The following AP2A2 variants were observed in gnomAD, a reference collection of about 807,000 sequenced individuals.
The protein encoded by AP2A2 is adaptor related protein complex 2 subunit alpha 2.
In AP2A2, 32 loss-of-function variants were observed where a neutral mutation model predicts 104.2. That is an observed-to-expected ratio of 0.31 (90% CI 0.23 to 0.41). AP2A2 has a LOEUF of 0.41. Ranked by LOEUF, AP2A2 falls within the 10% of genes least tolerant of loss-of-function variation. The pLI, the probability that AP2A2 is intolerant of heterozygous loss-of-function variation, is 1.00. For synonymous variants in AP2A2, 539 were observed against 533.3 expected (o/e 1.01, Z -0.15); for missense variants, 912 against 1,261.0 (o/e 0.72, Z 4.19).
intron 6 of AP2A2, 75 bp downstream of exon 6, chr11:981,374 A>G (rs1855234508): frequency 8.1e-7 from 1 of 1,236,970 alleles, no homozygotes; most frequent in Admixed American, 2.2e-5. Context: ...TTATTTGTAG[A>G]ATGCAAGGTA....
intron 1 of AP2A2, among the ~76,000 whole-genome samples, chr11:934,056 A>G (rs988757589): frequency 6.6e-6 from 1 of 151,952 alleles, no homozygotes; most frequent in Non-Finnish European, 1.5e-5. Flanking sequence ...CTGTGCCCAC[A>G]GCTGCTGTGT....
chr11:929,358 G>T (rs1853216111), intron 1 of AP2A2, among the ~76,000 whole-genome samples: 2 of 152,196 alleles, frequency 1.3e-5, no homozygotes, highest in Admixed American at 6.6e-5. Context: ...CTGCCTCTTA[G>T]CAGCTGCATG....
chr11:979,163 A>T (rs1196394651), intron 5 of AP2A2, among the ~76,000 whole-genome samples: 1 of 151,118 alleles, frequency 6.6e-6, no homozygotes, highest in Admixed American at 6.6e-5. Context: ...TTACAGTCTC[A>T]GTGCAGGGGG....
chr11:926,863 G>A (rs1286053720), intron 1 of AP2A2, among the ~76,000 whole-genome samples: 10 of 152,168 alleles, frequency 6.6e-5, no homozygotes, highest in Non-Finnish European at 1.5e-5. Flanking sequence ...AACAAGCCAG[G>A]AAGGCTGGGC....
At chr11:1,003,662 A>G in intron 15 of AP2A2, 60 bp from the exon 16 acceptor site, 3 of 1,182,576 alleles carry the variant, frequency 2.5e-6, no homozygotes, top group East Asian at 2.6e-5. Context: ...TTCCAGAACA[A>G]ACCCTTGTGT....
At chr11:954,021 G>A (rs1355797014) in intron 1 of AP2A2, among the ~76,000 whole-genome samples, 1 of 152,046 alleles carries the variant, frequency 6.6e-6, no homozygotes, top group East Asian at 1.9e-4. Context: ...TTTTAGTAGA[G>A]ACGAGGTTTC....
intron 1 of AP2A2, among the ~76,000 whole-genome samples, chr11:939,724 C>T (rs773877884): frequency 4.6e-5 from 7 of 152,014 alleles, no homozygotes; most frequent in Non-Finnish European, 7.4e-5. Context: ...GGATTACAGG[C>T]GTGAGCCACC....
At position 925,911 on chromosome 11, in the gene AP2A2, G is replaced by T. The variant is rs921722876; in HGVS notation, c.-111G>T. ...ACCCTGAGGCGGCCGTGGTTAGGCGGCTCCCCGGCGGCTCCTCCGCGGCGG... is the reference window on the plus strand; with the variant it reads ...ACCCTGAGGCGGCCGTGGTTAGGCGTCTCCCCGGCGGCTCCTCCGCGGCGG... On this transcript the variant is annotated 5_prime_UTR_variant, in exon 1 of 22. Transcript: ENST00000448903. The T allele has an allele frequency of 1.2e-6, 1 of 804,238 alleles. No homozygotes were observed. Among genetic ancestry groups the T allele is most frequent in the Non-Finnish European group, 1.7e-6 (1 of 582,392 alleles). 49.8% of individuals were successfully genotyped at this position (804,238 alleles called of 1,614,324 possible). A position where few individuals can be genotyped will look rare whatever the true frequency, so the allele number is the denominator to read the frequency against.
chr11:934,998 A>G (rs1168591350), intron 1 of AP2A2, among the ~76,000 whole-genome samples: 2 of 151,426 alleles, frequency 1.3e-5, no homozygotes, highest in East Asian at 3.9e-4. Flanking sequence ...AGCTGGGATT[A>G]CAGGAGCGCA....
chr11:993,826 G>T lies in AP2A2; in HGVS notation c.1623G>T (p.Leu541=). Residue 541 remains leucine (L), a synonymous_variant, in exon 13 of 22, where the codon CTG becomes CTT. Transcript: ENST00000448903. The surrounding 1 kb of genome is among the most constrained non-coding windows in gnomAD (Gnocchi z 8.2). ...GCGTCCCCACCCGCGCGCTGCTCCT[G>T]TCCACCTACATCAAGTTCGTGAACC... The part of the protein sequence containing the change: ...LCSVPTRALL[L]STYIKFVNLF... 1.2e-6 allele frequency: 2 copies of T among 1,608,774 alleles called. No individual in the cohort carries two copies.
intron 8 of AP2A2, among the ~76,000 whole-genome samples, chr11:985,895 G>T (rs1255354727): frequency 1.3e-5 from 2 of 152,250 alleles, no homozygotes; most frequent in Admixed American, 6.5e-5. Flanking sequence ...GTGGGGTGGG[G>T]GGTGTGCGCG....
At chr11:1,004,129 A>C (rs544174091) in intron 16 of AP2A2, among the ~76,000 whole-genome samples, 1 of 152,186 alleles carries the variant, frequency 6.6e-6, no homozygotes, top group Non-Finnish European at 1.5e-5. Flanking sequence ...GGGAAGTGCC[A>C]ATCAAAACCA....
chr11:985,899 G>A (rs1855438853), intron 8 of AP2A2, among the ~76,000 whole-genome samples: 1 of 152,248 alleles, frequency 6.6e-6, no homozygotes, highest in African/African-American at 2.4e-5. Context: ...GGTGGGGGGT[G>A]TGCGCGCATG....
chr11:935,137 T>C (rs1391201827), intron 1 of AP2A2, among the ~76,000 whole-genome samples: 2 of 150,306 alleles, frequency 1.3e-5, no homozygotes, highest in Non-Finnish European at 2.9e-5. Flanking sequence ...CACTGCAACC[T>C]CTGCCTCCCA....
chr11:927,497 TC>T (rs1242166016), intron 1 of AP2A2, among the ~76,000 whole-genome samples: 1 of 148,106 alleles, frequency 6.8e-6, no homozygotes, highest in Non-Finnish European at 1.5e-5. Context: ...ATCTAACCCT[TC>T]CTGTACTCTG....
At chr11:975,663 GCCGAC>G (rs1399424317) in intron 4 of AP2A2, among the ~76,000 whole-genome samples, 12 of 152,004 alleles carry the variant, frequency 7.9e-5, no homozygotes, top group East Asian at 1.9e-4. Flanking sequence ...CCTCGTGTGA[GCCGAC>G]CTCGGAGAGT....
At chr11:1,002,852 G>T (rs999235339) in intron 15 of AP2A2, among the ~76,000 whole-genome samples, 2 of 152,222 alleles carry the variant, frequency 1.3e-5, no homozygotes, top group African/African-American at 4.8e-5. Flanking sequence ...GGCTGCTGCC[G>T]TGCAGCATTT....
chr11:951,598 C>A, intron 1 of AP2A2, among the ~76,000 whole-genome samples: 1 of 152,058 alleles, frequency 6.6e-6, no homozygotes. Flanking sequence ...TGGACCAGTG[C>A]TTTGCTCCTT....
Position 994,801 on chromosome 11 carries a change from C to T in AP2A2, c.1956+556C>T, listed in dbSNP as rs539184994. Among the ~76,000 whole-genome samples the T allele has an allele frequency of 9.9e-5, 14 of 141,398 alleles. No individual in the cohort carries two copies. In the East Asian group the frequency reaches 2.7e-3, roughly 27 times the overall value. 92.8% of individuals were successfully genotyped at this position (141,398 alleles called of 152,430 possible). ...TGCTGCACACCCTGCTGGCCTGTCC[C>T]GGGGGCCACTGTCCCTGCTGGACGC... On this transcript the variant is annotated intron_variant, in intron 14 of 21. Transcript: ENST00000448903.
Sources: allele counts gnomAD v4.1 joint callset (sites outside exome capture counted in the v4.1 genomes callset), GRCh38; gene constraint gnomAD v4.1.1; non-coding constraint Gnocchi (gnomAD v3.1); transcripts MANE v1.5; gene names NCBI Gene and HGNC (gene_info 2026-07-23, HGNC 2026-07-21).